Variants in SMYD3 observed in about 807,000 individuals in gnomAD.
SMYD3 encodes histone-lysine N-methyltransferase SMYD3.
SMYD3 carries 36 observed loss-of-function variants against 57.7 expected under a neutral mutation model. The observed-to-expected ratio is 0.62, with a 90% CI of 0.48 to 0.82. SMYD3 has a LOEUF of 0.82. Ranked by LOEUF, SMYD3 falls within the 40% of genes least tolerant of loss-of-function variation. The pLI is 0.00. For missense variants in SMYD3, 515 were observed against 538.8 expected (o/e 0.96, Z 0.44); for synonymous variants, 211 against 195.0 (o/e 1.08, Z -0.68).
intron 5 of SMYD3, among the ~76,000 whole-genome samples, chr1:246,304,435 T>C (rs956349139): frequency 6.6e-6 from 1 of 152,106 alleles, no homozygotes; most frequent in African/African-American, 2.4e-5. Flanking sequence ...TGTGTACATA[T>C]GCCATAAAAG....
chr1:246,500,318 C>T (rs114742069), intron 1 of SMYD3, among the ~76,000 whole-genome samples: 48 of 152,272 alleles, frequency 3.2e-4, no homozygotes, highest in African/African-American at 9.1e-4. Flanking sequence ...ATGAGGAAAT[C>T]GGCAAACATA....
intron 5 of SMYD3, among the ~76,000 whole-genome samples, chr1:246,289,813 C>T (rs746230201): frequency 2.0e-5 from 3 of 152,120 alleles, no homozygotes; most frequent in Non-Finnish European, 2.9e-5. Flanking sequence ...AGGGCAACCC[C>T]GGGTAAGTGG....
intron 10 of SMYD3, among the ~76,000 whole-genome samples, chr1:245,831,337 A>G (rs1026572912): frequency 3.9e-5 from 6 of 152,184 alleles, no homozygotes; most frequent in Admixed American, 6.5e-5. Context: ...CCTCATCTTC[A>G]CCAATGGGAA....
rs1558382011 is a variant in SMYD3, at chr1:246,292,467, T to C, written c.531+34734A>G. Among the ~76,000 whole-genome samples, 3 of 152,346 alleles carry C rather than the reference T, an allele frequency of 2.0e-5. No individual in the cohort carries two copies. In the South Asian group the frequency reaches 6.2e-4, roughly 32 times the overall value. On this transcript the variant is annotated intron_variant, in intron 5 of 11. Transcript: ENST00000490107. ...TATCCAACACACCAGCATCTTAGAC[T>C]TACTATCCAATACACCAGTACCTTA...
chr1:246,191,850 T>C (rs2062744103), intron 5 of SMYD3, among the ~76,000 whole-genome samples: 1 of 152,328 alleles, frequency 6.6e-6, no homozygotes, highest in East Asian at 1.9e-4. Flanking sequence ...ACAGCATCAG[T>C]AAGTCAGGAA....
At chr1:246,003,707 T>C (rs10802317) in intron 5 of SMYD3, among the ~76,000 whole-genome samples, 73,921 of 152,038 alleles carry the variant, frequency 0.49, 19,303 homozygotes, top group East Asian at 0.71. Context: ...TTAAATTACA[T>C]ACAGATCAAT....
At chr1:245,938,402 G>A (rs1311233627) in intron 5 of SMYD3, among the ~76,000 whole-genome samples, 1 of 152,206 alleles carries the variant, frequency 6.6e-6, no homozygotes, top group Non-Finnish European at 1.5e-5. Flanking sequence ...TAACCTAGTG[G>A]GCAGGAGCCA....
At chr1:246,362,422 T>C (rs1025028939) in intron 1 of SMYD3, among the ~76,000 whole-genome samples, 1 of 142,246 alleles carries the variant, frequency 7.0e-6, no homozygotes, top group Non-Finnish European at 1.5e-5. Context: ...CCTCTCCCTC[T>C]CCCTCTCCCT....
chr1:246,422,463 C>G (rs1011796058), intron 1 of SMYD3, among the ~76,000 whole-genome samples: 7 of 151,948 alleles, frequency 4.6e-5, no homozygotes, highest in African/African-American at 1.7e-4. Context: ...CTCATTCTGT[C>G]ACCCAGGCTG....
intron 11 of SMYD3, among the ~76,000 whole-genome samples, chr1:245,759,045 TTAC>T (rs2045726493): frequency 6.6e-6 from 1 of 152,216 alleles, no homozygotes; most frequent in African/African-American, 2.4e-5. Context: ...TGGCTCCTTG[TTAC>T]TACTGAACTC....
chr1:246,138,665 TC>T (rs1334036393), intron 5 of SMYD3, among the ~76,000 whole-genome samples: 3 of 111,746 alleles, frequency 2.7e-5, no homozygotes, highest in Non-Finnish European at 7.4e-5. Context: ...GACCTCGTGA[TC>T]CGCCCGCCTC....
intron 7 of SMYD3, among the ~76,000 whole-genome samples, chr1:245,922,107 A>G (rs779659466): frequency 6.6e-6 from 1 of 152,220 alleles, no homozygotes; most frequent in African/African-American, 2.4e-5. Flanking sequence ...TGGGGCAGGG[A>G]CTTTTATAAT....
At chr1:245,960,722 T>C (rs565649213) in intron 5 of SMYD3, among the ~76,000 whole-genome samples, 3 of 124,998 alleles carry the variant, frequency 2.4e-5, no homozygotes, top group African/African-American at 1.1e-4. Flanking sequence ...AACCAGACTC[T>C]GTCTCTAAAT....
rs565379375 is a variant in SMYD3 at position 246,301,873 on chromosome 1, G to A, written c.531+25328C>T. Among the ~76,000 whole-genome samples, 7 of 152,274 alleles carry A rather than the reference G, an allele frequency of 4.6e-5. No homozygotes were observed. In the South Asian group the frequency reaches 1.5e-3, roughly 32 times the overall value. On this transcript the variant is annotated intron_variant, in intron 5 of 11. Transcript: ENST00000490107. ...GTCACTGATAATCCGTATTAGAGAA[G>A]TTTAAGAGAGGGACAGAAAGTAAGC...
intron 5 of SMYD3, among the ~76,000 whole-genome samples, chr1:246,023,691 C>T (rs1207076068): frequency 2.0e-5 from 3 of 152,052 alleles, no homozygotes; most frequent in Non-Finnish European, 2.9e-5. Flanking sequence ...ACAAAAAAGA[C>T]GGCACGTTCA....
chr1:245,903,833 G>A (rs1333071291), intron 8 of SMYD3, among the ~76,000 whole-genome samples: 1 of 152,212 alleles, frequency 6.6e-6, no homozygotes, highest in Non-Finnish European at 1.5e-5. Flanking sequence ...GCTGCACACT[G>A]CAGGGGGGCC....
chr1:246,438,689 G>A (rs1454611340), intron 1 of SMYD3, among the ~76,000 whole-genome samples: 1 of 152,050 alleles, frequency 6.6e-6, no homozygotes, highest in Admixed American at 6.6e-5. Flanking sequence ...TTAGCACCAG[G>A]GACCAGTTTC....
intron 10 of SMYD3, among the ~76,000 whole-genome samples, chr1:245,821,720 T>C (rs927674782): frequency 6.6e-6 from 1 of 151,474 alleles, no homozygotes; most frequent in Non-Finnish European, 1.5e-5. Flanking sequence ...AACAACACCA[T>C]CAAAAAGTGG....
Position 246,088,605 on chromosome 1 carries a change from G to A in SMYD3, c.532-158668C>T, listed in dbSNP as rs567876099. The stretch of plus-strand genomic sequence containing the variant: ...AGCCTGGGCGACAGGGCGAGACTCC[G>A]TCTCAAAGAAAAAAAAAAGTTAAGA... On this transcript the variant is annotated intron_variant, in intron 5 of 11. Coordinates refer to ENST00000490107, the MANE Select transcript of SMYD3 (RefSeq NM_001167740.2). 1.8e-4 allele frequency among the ~76,000 whole-genome samples: 10 copies of A among 55,796 alleles called. No individual in the cohort carries two copies. The South Asian group carries it at 1.9e-3, about 11-fold the overall frequency. The allele number at this position is 55,796 out of a possible 152,430, so 36.6% of individuals were successfully genotyped here.
Sources: allele counts gnomAD v4.1 joint callset (sites outside exome capture counted in the v4.1 genomes callset), GRCh38; gene constraint gnomAD v4.1.1; transcripts MANE v1.5; gene names NCBI Gene and HGNC (gene_info 2026-07-23, HGNC 2026-07-21).